EXOC6B: variants seen among roughly 807,000 people sequenced by gnomAD.
EXOC6B encodes exocyst complex component 6B, also known as SEC15 homolog B.
In EXOC6B, 54 loss-of-function variants were observed where a neutral mutation model predicts 113.5. The ratio of observed to expected loss-of-function variants is 0.48; its 90% CI spans 0.38 to 0.60. The LOEUF (loss-of-function observed/expected upper bound fraction) is 0.60, where lower values mean the gene tolerates loss of function less well. Among genes scored for constraint, EXOC6B ranks in the 20% least tolerant of loss-of-function variants. EXOC6B has a pLI of 0.00. For missense variants in EXOC6B, 797 were observed against 977.5 expected, an observed-to-expected ratio of 0.82 and a Z score of 2.46; for synonymous variants, 357 against 339.0, an observed-to-expected ratio of 1.05 and a Z score of -0.58.
intron 20 of EXOC6B, among the ~76,000 whole-genome samples, chr2:72,240,080 A>G (rs924261585): frequency 1.5e-4 from 23 of 152,270 alleles, no homozygotes; most frequent in African/African-American, 4.6e-4. Flanking sequence ...TTTTTAGTGG[A>G]TTACTCAGTA....
chr2:72,433,922 G>A (rs573761543), intron 18 of EXOC6B, among the ~76,000 whole-genome samples: 8 of 152,150 alleles, frequency 5.3e-5, no homozygotes, highest in Admixed American at 3.9e-4. Flanking sequence ...TTGCCCTGGC[G>A]AGAACTTCCA....
At chr2:72,205,297 C>A (rs1679769000) in intron 20 of EXOC6B, among the ~76,000 whole-genome samples, 1 of 151,894 alleles carries the variant, frequency 6.6e-6, no homozygotes, top group Non-Finnish European at 1.5e-5. Context: ...TGTAGCTGTA[C>A]CCAGGAGACT....
chr2:72,466,351 A>C (rs1174611917), intron 17 of EXOC6B, among the ~76,000 whole-genome samples: 1 of 151,484 alleles, frequency 6.6e-6, no homozygotes, highest in Non-Finnish European at 1.5e-5. Context: ...CCTCAAAAAA[A>C]AAAAAAAAAG....
chr2:72,788,484 T>C (rs1684498001), intron 1 of EXOC6B, among the ~76,000 whole-genome samples: 1 of 152,224 alleles, frequency 6.6e-6, no homozygotes, highest in South Asian at 2.1e-4. Context: ...ACAACATATA[T>C]CCTTCAGGAA....
At chr2:72,623,476 T>C (rs551880786) in intron 6 of EXOC6B, among the ~76,000 whole-genome samples, 3 of 152,324 alleles carry the variant, frequency 2.0e-5, no homozygotes, top group South Asian at 2.1e-4. Flanking sequence ...ATTACCTCTA[T>C]TGAGTTTAGG....
intron 6 of EXOC6B, among the ~76,000 whole-genome samples, chr2:72,611,991 A>G (rs931543684): frequency 2.0e-5 from 3 of 152,196 alleles, no homozygotes; most frequent in Non-Finnish European, 2.9e-5. Flanking sequence ...ATTAAAAATT[A>G]TCATCTTGGG....
chr2:72,477,964 T>C (rs1698848618), intron 17 of EXOC6B, among the ~76,000 whole-genome samples: 1 of 152,236 alleles, frequency 6.6e-6, no homozygotes, highest in African/African-American at 2.4e-5. Context: ...ATATAAGCTC[T>C]GTAAAGTGAG....
chr2:72,226,821 G>C (rs1681272619), intron 20 of EXOC6B, among the ~76,000 whole-genome samples: 1 of 152,200 alleles, frequency 6.6e-6, no homozygotes, highest in African/African-American at 2.4e-5. Context: ...GGTACAGTAT[G>C]TGAACAGCCA....
intron 18 of EXOC6B, among the ~76,000 whole-genome samples, chr2:72,434,115 G>C (rs773493802): frequency 1.3e-5 from 2 of 151,762 alleles, no homozygotes; most frequent in African/African-American, 4.9e-5. Flanking sequence ...TAGCATGAAG[G>C]GGTGCTGAAT....
At chr2:72,415,681 T>G (rs900128918) in intron 18 of EXOC6B, among the ~76,000 whole-genome samples, 11 of 152,126 alleles carry the variant, frequency 7.2e-5, no homozygotes, top group African/African-American at 2.7e-4. Context: ...ACACTGCTTT[T>G]CCTCATTAAT....
intron 18 of EXOC6B, among the ~76,000 whole-genome samples, chr2:72,400,491 GAATA>G (rs1693063715): frequency 6.6e-6 from 1 of 151,886 alleles, no homozygotes; most frequent in Non-Finnish European, 1.5e-5. Context: ...ATAATCAACA[GAATA>G]AACAGACAAA....
intron 18 of EXOC6B, among the ~76,000 whole-genome samples, chr2:72,401,539 A>ATG (rs1693208143): frequency 3.8e-5 from 1 of 26,514 alleles, no homozygotes; most frequent in Non-Finnish European, 5.6e-5. Flanking sequence ...ATATATATAT[A>ATG]TATATGTGTA....
At chr2:72,396,339 G>A (rs558782391) in intron 18 of EXOC6B, among the ~76,000 whole-genome samples, 3 of 152,158 alleles carry the variant, frequency 2.0e-5, no homozygotes, top group South Asian at 2.1e-4. Context: ...AGACTGCCTT[G>A]TTAATTAAGG....
rs529448309 is a variant in EXOC6B, at chr2:72,535,610, C to T, written c.916-20484G>A. ...AAATCAGGCCAGGTGTGGTGGCTCA[C>T]GCCTGTAATTCAAGCACTTTGGGAG... On this transcript the variant is annotated intron_variant, in intron 8 of 21. Coordinates refer to ENST00000272427, the MANE Select transcript of EXOC6B (RefSeq NM_015189.3). Among the ~76,000 whole-genome samples the T allele has an allele frequency of 5.3e-5, 8 of 152,136 alleles. No individual in the cohort carries two copies. The South Asian group carries it at 1.5e-3, about 28-fold the overall frequency.
intron 7 of EXOC6B, among the ~76,000 whole-genome samples, chr2:72,570,391 C>T (rs781724854): frequency 6.6e-6 from 1 of 152,194 alleles, no homozygotes; most frequent in Non-Finnish European, 1.5e-5. Context: ...CATCTCATTA[C>T]TTCAAAATTA....
At chr2:72,698,324 A>G (rs1444809462) in intron 6 of EXOC6B, among the ~76,000 whole-genome samples, 5 of 152,210 alleles carry the variant, frequency 3.3e-5, no homozygotes, top group African/African-American at 1.2e-4. Context: ...AAGCCAAGAG[A>G]ATTTCTGCCT....
intron 17 of EXOC6B, among the ~76,000 whole-genome samples, chr2:72,468,132 T>C (rs1261648444): frequency 6.6e-6 from 1 of 152,176 alleles, no homozygotes; most frequent in Non-Finnish European, 1.5e-5. Context: ...GTGCAAAAGC[T>C]TTCCTGTTTG....
At chr2:72,342,402 A>T (rs940835966) in intron 19 of EXOC6B, among the ~76,000 whole-genome samples, 1 of 152,170 alleles carries the variant, frequency 6.6e-6, no homozygotes, top group African/African-American at 2.4e-5. Context: ...TCCAAAAAAG[A>T]CATACAAATG....
intron 20 of EXOC6B, among the ~76,000 whole-genome samples, chr2:72,257,409 G>T (rs975705219): frequency 2.6e-5 from 4 of 151,936 alleles, no homozygotes; most frequent in Non-Finnish European, 5.9e-5. Flanking sequence ...TATTAGTATT[G>T]GATAAATTAC....
Sources: gnomAD v4.1 joint callset for allele counts (sites outside exome capture counted in the v4.1 genomes callset) on GRCh38, gnomAD v4.1.1 for gene constraint, MANE v1.5 for transcripts, NCBI Gene and HGNC (gene_info 2026-07-23, HGNC 2026-07-21) for gene names.